ALDH7A1: variants seen among roughly 807,000 people sequenced by gnomAD.
ALDH7A1 encodes aldehyde dehydrogenase 7 family member A1.
In ALDH7A1, 63 loss-of-function variants were observed where a neutral mutation model predicts 79.9. That is an observed-to-expected ratio of 0.79 (90% CI 0.64 to 0.97). The LOEUF is 0.97. Ranked by LOEUF, ALDH7A1 falls within the 50% of genes least tolerant of loss-of-function variation. The probability of loss-of-function intolerance (pLI) is 0.00; values close to 1 mark genes in which losing one functional copy is unlikely to be tolerated. For missense variants in ALDH7A1, 627 were observed against 665.2 expected (o/e 0.94, Z 0.63); for synonymous variants, 240 against 231.2 (o/e 1.04, Z -0.34).
intron 9 of ALDH7A1, among the ~76,000 whole-genome samples, chr5:126,563,937 G>A (rs1475374984): frequency 2.7e-5 from 4 of 150,774 alleles, no homozygotes; most frequent in Non-Finnish European, 3.0e-5. Flanking sequence ...ACAAGCACGT[G>A]TCACAACACC....
Position 126,594,062 on chromosome 5 carries a change from TA to T in ALDH7A1, c.193-659del, listed in dbSNP as rs554276935. ...TTAACTGTTACATAACATCCTCCTA[TA>T]AAAAACTTTCTTTTAAAAAAAAATC... is the stretch of plus-strand genomic sequence containing the variant. On this transcript the variant is annotated intron_variant, in intron 1 of 17. Transcript: ENST00000409134. 6.9e-3 allele frequency: 2,539 copies of T among 365,684 alleles called. 32 individuals are homozygous for T. Among genetic ancestry groups the T allele is most frequent in the South Asian group, 0.019 (908 of 46,894 alleles). 22.7% of individuals were successfully genotyped at this position (365,684 alleles called of 1,614,324 possible).
At chr5:126,582,019 C>T (rs962892030) in intron 5 of ALDH7A1, 5 of 396,662 alleles carry the variant, frequency 1.3e-5, no homozygotes, top group African/African-American at 6.2e-5. Flanking sequence ...TTTGGCTGTA[C>T]GTGCTCTAAA....
chr5:126,571,128 G>A lies in ALDH7A1; in HGVS notation c.696-269C>T, dbSNP rs143066913. The A allele has an allele frequency of 1.7e-3, 462 of 266,612 alleles. 2 individuals carry two copies. Among genetic ancestry groups the A allele is most frequent in the Middle Eastern group, 0.013 (10 of 780 alleles). 16.5% of individuals were successfully genotyped at this position (266,612 alleles called of 1,614,324 possible). On this transcript the variant is annotated intron_variant, in intron 7 of 17. Coordinates refer to ENST00000409134, the MANE Select transcript of ALDH7A1 (RefSeq NM_001182.5). ...TTTCTCCTCACATATTGAAAATGCC[G>A]TTTTCAAAAAACTATTAGCAGATTT...
intron 6 of ALDH7A1, among the ~76,000 whole-genome samples, chr5:126,576,280 AAG>A (rs1380080963): frequency 1.3e-5 from 2 of 151,688 alleles, no homozygotes; most frequent in East Asian, 3.9e-4. Context: ...AAAAAAAAAA[AAG>A]AATTGTGGAC....
intron 5 of ALDH7A1, among the ~76,000 whole-genome samples, chr5:126,582,456 A>G (rs13182402): frequency 0.14 from 21,609 of 152,136 alleles, 1,956 homozygotes; most frequent in African/African-American, 0.25. Context: ...ATGATTCGAC[A>G]TTTAGGTCAT....
At chr5:126,574,721 A>T (rs184081964) in intron 7 of ALDH7A1, among the ~76,000 whole-genome samples, 2 of 151,664 alleles carry the variant, frequency 1.3e-5, no homozygotes, top group Non-Finnish European at 2.9e-5. Flanking sequence ...AATAATAATA[A>T]TATTCTAATA....
chr5:126,590,198 G>A (rs1011223657), intron 3 of ALDH7A1, among the ~76,000 whole-genome samples: 3 of 146,584 alleles, frequency 2.0e-5, no homozygotes, highest in Non-Finnish European at 4.5e-5. Flanking sequence ...CCCGGCCACC[G>A]CCCTGTCTGG....
intron 3 of ALDH7A1, among the ~76,000 whole-genome samples, chr5:126,585,337 C>T (rs1422961993): frequency 6.6e-6 from 1 of 152,052 alleles, no homozygotes; most frequent in Non-Finnish European, 1.5e-5. Flanking sequence ...GAACATTCCC[C>T]TCCATGAAAC....
At chr5:126,564,036 C>G (rs1713254964) in intron 9 of ALDH7A1, among the ~76,000 whole-genome samples, 1 of 152,136 alleles carries the variant, frequency 6.6e-6, no homozygotes, top group South Asian at 2.1e-4. Flanking sequence ...ATCCACCCAC[C>G]TTGACCTCCC....
intron 9 of ALDH7A1, chr5:126,561,858 T>G (rs1750414924): frequency 6.6e-6 from 1 of 152,136 alleles, no homozygotes; most frequent in South Asian, 2.1e-4. Context: ...CTGGGCATGA[T>G]AGTGTCTGCC....
intron 15 of ALDH7A1, 44 bp from the exon 16 acceptor site, chr5:126,550,046 TAAAAACAAAC>T: frequency 6.3e-7 from 1 of 1,594,510 alleles, no homozygotes; most frequent in Non-Finnish European, 8.6e-7. Context: ...AACAGGAAAT[TAAAAACAAAC>T]AAAAATAAAT....
Position 126,560,944 on chromosome 5 carries a change from T to A in ALDH7A1, c.913+139A>T, listed in dbSNP as rs115577885. ...ACAAGCTTGTGTCCTGTCTCCCAAG[T>A]AAAATTCCTAAACACAGGAACTAGG... On this transcript the variant is annotated intron_variant, in intron 10 of 17. Coordinates refer to ENST00000409134, the MANE Select transcript of ALDH7A1 (RefSeq NM_001182.5). 2,142 of 916,492 alleles carry A rather than the reference T, an allele frequency of 2.3e-3. 31 individuals carry two copies. The African/African-American group carries it at 0.029, about 12-fold the overall frequency. The allele number at this position is 916,492 out of a possible 1,614,324, so 56.8% of individuals were successfully genotyped here. A position where few individuals can be genotyped will look rare whatever the true frequency, so the allele number is the denominator to read the frequency against.
chr5:126,573,970 C>A (rs1400797342), intron 7 of ALDH7A1, among the ~76,000 whole-genome samples: 1 of 125,576 alleles, frequency 8.0e-6, no homozygotes, highest in African/African-American at 3.3e-5. Flanking sequence ...GCAGAAACTA[C>A]AGTAAGCTGA....
intron 3 of ALDH7A1, among the ~76,000 whole-genome samples, chr5:126,589,881 C>A (rs1192163042): frequency 6.7e-6 from 1 of 149,654 alleles, no homozygotes; most frequent in Non-Finnish European, 1.5e-5. Context: ...TGCCCAGCTG[C>A]CCACTGTCTG....
At chr5:126,579,533 C>A (rs1211569210) in intron 5 of ALDH7A1, among the ~76,000 whole-genome samples, 1 of 152,094 alleles carries the variant, frequency 6.6e-6, no homozygotes, top group Non-Finnish European at 1.5e-5. Flanking sequence ...AGGGACTATG[C>A]CTTATAGCTC....
At position 126,559,504 on chromosome 5, in the gene ALDH7A1, C is replaced by T. The variant is rs989347027; in HGVS notation, c.914-170G>A. Reference sequence around the variant, plus strand: ...AGGATGGAGTGCAATGGCACGATCTCGGCTCACTGCAACCTTTGCCTCCCG... The same window carrying T: ...AGGATGGAGTGCAATGGCACGATCTTGGCTCACTGCAACCTTTGCCTCCCG... On this transcript the variant is annotated intron_variant, in intron 10 of 17. Coordinates refer to ENST00000409134, the MANE Select transcript of ALDH7A1 (RefSeq NM_001182.5). Among the ~76,000 whole-genome samples, 3 of 145,788 alleles carry T rather than the reference C, an allele frequency of 2.1e-5. No individual in the cohort carries two copies. In the Admixed American group the frequency reaches 2.1e-4, roughly 10 times the overall value.
chr5:126,577,216 G>A lies in ALDH7A1; in HGVS notation c.518-5C>T. ...CAATCAGTGCATGGCCAGATCCTGA[G>A]GACAGAAAAAGGATGGAACATGCAG... is the stretch of plus-strand genomic sequence containing the variant. On this transcript the variant is annotated splice_region_variant and splice_polypyrimidine_tract_variant and intron_variant, in intron 5 of 17. Coordinates refer to ENST00000409134, the MANE Select transcript of ALDH7A1 (RefSeq NM_001182.5). The A allele has an allele frequency of 6.2e-7, 1 of 1,614,062 alleles. No homozygotes were observed. Among genetic ancestry groups the A allele is most frequent in the Non-Finnish European group, 8.5e-7 (1 of 1,179,998 alleles).
chr5:126,593,424 G>T lies in ALDH7A1; in HGVS notation c.193-20C>A, dbSNP rs199762757. ...AATAACCTTAAAACAAAAGGATGAT[G>T]ATCATGTATAGAAAACGTAATCCCT... On this transcript the variant is annotated intron_variant, in intron 1 of 17. Transcript: ENST00000409134. The T allele has an allele frequency of 2.5e-6, 4 of 1,613,598 alleles. No individual in the cohort carries two copies. The highest frequency in any genetic ancestry group is 1.3e-5 in the African/African-American group (1 of 74,800).
At chr5:126,557,102 G>T (rs1041835344) in intron 11 of ALDH7A1, among the ~76,000 whole-genome samples, 1 of 152,040 alleles carries the variant, frequency 6.6e-6, no homozygotes, top group African/African-American at 2.4e-5. Context: ...TGTAATGAAG[G>T]GTATAATCAT....
Sources: allele counts gnomAD v4.1 joint callset (sites outside exome capture counted in the v4.1 genomes callset), GRCh38; gene constraint gnomAD v4.1.1; transcripts MANE v1.5; gene names NCBI Gene and HGNC (gene_info 2026-07-23, HGNC 2026-07-21).